The following AHNAK variants were observed in gnomAD, a reference collection of about 807,000 sequenced individuals.
AHNAK encodes AHNAK nucleoprotein, also known as neuroblast differentiation-associated protein AHNAK.
A neutral mutation model predicts 37.8 loss-of-function variants in AHNAK; 23 were observed. The observed-to-expected ratio is 0.61, with a 90% CI of 0.44 to 0.86. The LOEUF (loss-of-function observed/expected upper bound fraction) is 0.86. Ranked by LOEUF, AHNAK falls within the 40% of genes least tolerant of loss-of-function variation. The pLI is 0.00. For synonymous variants in AHNAK, 2,481 were observed against 2,636.3 expected (o/e 0.94, Z 1.80); for missense variants, 7,411 against 7,319.4 (o/e 1.01, Z -0.46).
chr11:62,516,385 T>A lies in AHNAK; in HGVS notation c.*359A>T. Reference sequence around the variant, plus strand: ...AAGTCATTACAATGAAAAAGTGGGTTTCCATTACCCCAAAACTAACAATGT... The same window carrying A: ...AAGTCATTACAATGAAAAAGTGGGTATCCATTACCCCAAAACTAACAATGT... On this transcript the variant is annotated 3_prime_UTR_variant, in exon 5 of 5. Coordinates refer to ENST00000378024, the MANE Select transcript of AHNAK (RefSeq NM_001620.3). 7.9e-7 allele frequency: 1 copy of A among 1,271,064 alleles called. No homozygotes were observed. Among genetic ancestry groups the A allele is most frequent in the Non-Finnish European group, 1.0e-6 (1 of 978,806 alleles). 78.7% of individuals were successfully genotyped at this position (1,271,064 alleles called of 1,614,324 possible).
In AHNAK at chr11:62,524,279, T is replaced by G; in HGVS notation, c.10138A>C (p.Ile3380Leu). 1 of 1,613,936 alleles carries G rather than the reference T, an allele frequency of 6.2e-7. No individual in the cohort carries two copies. Among genetic ancestry groups the G allele is most frequent in the Non-Finnish European group, 8.5e-7 (1 of 1,179,976 alleles). ...TTAATATCAACTTTTGGACCTGTTA[T>G]GTCAATATCTGGCTTTTTACCTTTG... ...DVKGKKPDID[I>L]TGPKVDINAP... Residue 3380 changes from isoleucine (I) to leucine (L), a missense_variant, in exon 5 of 5, where the codon ATA (isoleucine) becomes CTA (leucine). Ile to Leu is a conservative substitution (Grantham distance 5). Transcript: ENST00000378024.
At chr11:62,460,147 C>T (rs1038881991) in intron 5 of AHNAK, among the ~76,000 whole-genome samples, 1 of 149,850 alleles carries the variant, frequency 6.7e-6, no homozygotes, top group African/African-American at 2.5e-5. Context: ...AAGAGCTGGG[C>T]GTGGTGGCAC....
intron 5 of AHNAK, among the ~76,000 whole-genome samples, chr11:62,482,792 A>C (rs1003308800): frequency 1.3e-5 from 2 of 152,190 alleles, no homozygotes; most frequent in Non-Finnish European, 2.9e-5. Flanking sequence ...ATGTGTAGCA[A>C]AGAGGAACAG....
chr11:62,460,252 ACTC>A (rs1212935403), intron 5 of AHNAK, among the ~76,000 whole-genome samples: 1 of 152,202 alleles, frequency 6.6e-6, no homozygotes, highest in East Asian at 1.9e-4. Flanking sequence ...ACACCACTGC[ACTC>A]CAGCCTGGGT....
In AHNAK at chr11:62,532,073, C is replaced by T. The variant is rs1202692043; in HGVS notation, c.2344G>A (p.Gly782Arg). The change falls in exon 5 of 5, where the codon GGG becomes AGG. Residue 782 changes from glycine (G) to arginine (R), a missense_variant. By Grantham distance (125) the Gly-to-Arg change is moderately radical. Coordinates refer to ENST00000378024, the MANE Select transcript of AHNAK (RefSeq NM_001620.3). ...NLPKADVDIS[G>R]PKIDVTAPDV... is the part of the protein sequence containing the mutation. ...GGAGCAGTAACATCTATCTTGGGCCCGGAAATGTCCACATCAGCCTTGGGC... is the reference window on the plus strand; with the variant it reads ...GGAGCAGTAACATCTATCTTGGGCCTGGAAATGTCCACATCAGCCTTGGGC... 9 of 1,613,220 alleles carry T rather than the reference C, an allele frequency of 5.6e-6. No homozygotes were observed. The highest frequency in any genetic ancestry group is 2.2e-5 in the East Asian group (1 of 44,836).
intron 5 of AHNAK, among the ~76,000 whole-genome samples, chr11:62,487,833 A>C (rs1362050812): frequency 6.6e-6 from 1 of 152,196 alleles, no homozygotes; most frequent in East Asian, 1.9e-4. Flanking sequence ...ACTTAGAGAA[A>C]GCTGGAGGCT....
chr11:62,524,579 T>C lies in AHNAK; in HGVS notation c.9838A>G (p.Lys3280Glu). ...ACATGCATGTCAGGCATCTTCAGTT[T>C]TGGACCTTTTAATTTGGCATCTGGG... ...HGPDAKLKGP[K>E]LKMPDMHVNM... Residue 3280 changes from lysine to glutamate, a missense_variant, in exon 5 of 5, where the codon AAA (lysine) becomes GAA (glutamate). Transcript: ENST00000378024. 1 of 1,613,956 alleles carries C rather than the reference T, an allele frequency of 6.2e-7. No homozygotes were observed. The highest frequency in any genetic ancestry group is 1.1e-5 in the South Asian group (1 of 91,012).
At chr11:62,509,751 T>C (rs1220657487) in intron 4 of AHNAK, among the ~76,000 whole-genome samples, 1 of 151,922 alleles carries the variant, frequency 6.6e-6, no homozygotes, top group Admixed American at 6.6e-5. Flanking sequence ...ACCCCGTCTC[T>C]ACTAAAAAAT....
At chr11:62,537,929 G>A (rs991824411) in intron 1 of AHNAK, among the ~76,000 whole-genome samples, 5 of 151,916 alleles carry the variant, frequency 3.3e-5, no homozygotes, top group Non-Finnish European at 5.9e-5. Flanking sequence ...TGATCCACCC[G>A]CCTTGGCCTC....
At chr11:62,509,414 G>A (rs1939867821) in intron 4 of AHNAK, among the ~76,000 whole-genome samples, 1 of 152,076 alleles carries the variant, frequency 6.6e-6, no homozygotes, top group Non-Finnish European at 1.5e-5. Context: ...GCTGGGTGTG[G>A]TGGCAGGTGC....
Position 62,527,026 on chromosome 11 carries a change from C to T in AHNAK, c.7391G>A (p.Gly2464Glu), listed in dbSNP as rs954084025. 6.2e-7 allele frequency: 1 copy of T among 1,613,812 alleles called. No individual in the cohort carries two copies. Among genetic ancestry groups the T allele is most frequent in the African/African-American group, 1.3e-5 (1 of 74,880 alleles). The change falls in exon 5 of 5, where the codon GGA (glycine) becomes GAA (glutamate). Residue 2464 changes from glycine to glutamate, a missense_variant. By Grantham distance (98) the Gly-to-Glu change is moderately conservative (BLOSUM62 -2). Coordinates refer to ENST00000378024, the MANE Select transcript of AHNAK (RefSeq NM_001620.3). ...ATCCACATCCCCCTTGATTTTGGGTCCTTTGAGATTTAGATCAACATCAGG... is the reference window on the plus strand; with the variant it reads ...ATCCACATCCCCCTTGATTTTGGGTTCTTTGAGATTTAGATCAACATCAGG... ...SMPDVDLNLK[G>E]PKIKGDVDVS...
rs751842379 is a variant in AHNAK at position 62,521,543 on chromosome 11, C to G, written c.12874G>C (p.Asp4292His). ...VEGDLKGPEVDIKGPKVDIDA... is the reference protein window; with the variant it reads ...VEGDLKGPEVHIKGPKVDIDA... ...ATGTCCACTTTGGGGCCCTTGATGT[C>G]AACTTCTGGGCCCTTGAGGTCACCT... Residue 4292 changes from aspartate (D) to histidine (H), a missense_variant, in exon 5 of 5, where the codon GAC (aspartate) becomes CAC (histidine). Asp to His is a moderately conservative substitution (Grantham distance 81). Coordinates refer to ENST00000378024, the MANE Select transcript of AHNAK (RefSeq NM_001620.3). 1 of 1,613,098 alleles carries G rather than the reference C, an allele frequency of 6.2e-7. No homozygotes were observed. Among genetic ancestry groups the G allele is most frequent in the Non-Finnish European group, 8.5e-7 (1 of 1,179,784 alleles).
downstream of AHNAK, among the ~76,000 whole-genome samples, chr11:62,512,729 A>ACCC (rs1346830497): frequency 6.6e-6 from 1 of 151,818 alleles, no homozygotes; most frequent in African/African-American, 2.4e-5. This position sits in a 1 kb window ranked among gnomAD's most constrained non-coding sequence, Gnocchi z 4.0. Flanking sequence ...ACATGGTGAA[A>ACCC]CCCCGTCTCT....
At chr11:62,434,031 C>A in intron 5 of AHNAK, 2 of 1,092,872 alleles carry the variant, frequency 1.8e-6, no homozygotes, top group Middle Eastern at 2.2e-4. Context: ...CAAATGCTTG[C>A]CTCTGGAAGG....
In AHNAK at chr11:62,523,781, G is replaced by T. The variant is rs1312023617; in HGVS notation, c.10636C>A (p.Pro3546Thr). The change falls in exon 5 of 5, where the codon CCT becomes ACT. Residue 3546 changes from proline (P) to threonine (T), a missense_variant. Physicochemically the swap from Pro to Thr is conservative, Grantham distance 38. Coordinates refer to ENST00000378024, the MANE Select transcript of AHNAK (RefSeq NM_001620.3). ...MNIKAPKISM[P>T]DIDLNLKGPK... ...CCTTTCAAGTTTAAGTCAATGTCAG[G>T]CATGGAGATCTTGGGAGCTTTGATA... 7 of 1,613,998 alleles carry T rather than the reference G, an allele frequency of 4.3e-6. No homozygotes were observed. The African/African-American group carries it at 6.7e-5, about 15-fold the overall frequency.
chr11:62,519,141 A>T lies in AHNAK; in HGVS notation c.15276T>A (p.Asp5092Glu). ...TAGGTGATTTAATGTCAAACTCTACATCTGGGAAGTACATTTTTCCAAACA... is the reference window on the plus strand; with the variant it reads ...TAGGTGATTTAATGTCAAACTCTACTTCTGGGAAGTACATTTTTCCAAACA... ...KTMFGKMYFP[D>E]VEFDIKSPKF... The change falls in exon 5 of 5, where the codon GAT becomes GAA. Residue 5092 changes from aspartate (D) to glutamate (E), a missense_variant. Transcript: ENST00000378024. 6.2e-7 allele frequency: 1 copy of T among 1,613,830 alleles called. No homozygotes were observed. Among genetic ancestry groups the T allele is most frequent in the Non-Finnish European group, 8.5e-7 (1 of 1,179,938 alleles).
In AHNAK at chr11:62,529,484, C is replaced by G; in HGVS notation, c.4933G>C (p.Glu1645Gln). ...ATCTTGGGGGCCTTGAAATGCATCT[C>G]AGGCATCTTAAACTTGGGGCCCTTC... ...KLKGPKFKMP[E>Q]MHFKAPKISM... Residue 1645 changes from glutamate (E) to glutamine (Q), a missense_variant, in exon 5 of 5, where the codon GAG (glutamate) becomes CAG (glutamine). Coordinates refer to ENST00000378024, the MANE Select transcript of AHNAK (RefSeq NM_001620.3). 1.2e-6 allele frequency: 2 copies of G among 1,614,138 alleles called. No homozygotes were observed. Among genetic ancestry groups the G allele is most frequent in the Non-Finnish European group, 1.7e-6 (2 of 1,180,024 alleles).
At position 62,522,955 on chromosome 11, in the gene AHNAK, C is replaced by G. The variant is rs1206187490; in HGVS notation, c.11462G>C (p.Gly3821Ala). The change falls in exon 5 of 5, where the codon GGC becomes GCC. Residue 3821 changes from glycine (G) to alanine (A), a missense_variant. Coordinates refer to ENST00000378024, the MANE Select transcript of AHNAK (RefSeq NM_001620.3). ...KFSMPGFKGE[G>A]PDVDVNLPKA... ...GGGCAGGTTCACATCCACATCTGGG[C>G]CCTCTCCTTTGAAGCCAGGCATGCT... is the stretch of plus-strand genomic sequence containing the variant. The G allele has an allele frequency of 6.2e-7, 1 of 1,613,476 alleles. No individual in the cohort carries two copies. Among genetic ancestry groups the G allele is most frequent in the Non-Finnish European group, 8.5e-7 (1 of 1,179,906 alleles).
chr11:62,450,384 G>C (rs111447738), intron 5 of AHNAK, among the ~76,000 whole-genome samples: 2 of 152,028 alleles, frequency 1.3e-5, no homozygotes, highest in African/African-American at 4.8e-5. Context: ...GTAGAGATAG[G>C]GTTTCACCAT....
Sources: allele counts gnomAD v4.1 joint callset (sites outside exome capture counted in the v4.1 genomes callset), GRCh38; gene constraint gnomAD v4.1.1; non-coding constraint Gnocchi (gnomAD v3.1); transcripts MANE v1.5; gene names NCBI Gene and HGNC (gene_info 2026-07-23, HGNC 2026-07-21).